GC: variants seen among roughly 807,000 people sequenced by gnomAD.
GC encodes the protein vitamin D-binding protein.
GC carries 43 observed loss-of-function variants against 56.7 expected under a neutral mutation model. The observed-to-expected ratio is 0.76, with a 90% confidence interval of 0.59 to 0.98. The LOEUF (loss-of-function observed/expected upper bound fraction) is 0.98. Ranked by LOEUF, GC falls within the 50% of genes least tolerant of loss-of-function variation. The pLI is 0.00. For synonymous variants in GC, 216 were observed against 202.7 expected (o/e 1.07, Z -0.56); for missense variants, 529 against 545.9 (o/e 0.97, Z 0.31).
At chr4:71,763,973 T>G (rs1392286134) in intron 4 of GC, 37 bp from the exon 5 acceptor site, 5 of 1,550,278 alleles carry the variant, frequency 3.2e-6, no homozygotes, top group Non-Finnish European at 4.5e-6. Context: ...AAAAAATTTG[T>G]GAATAAACAA....
chr4:71,794,295 T>G (rs1254441100), intron 1 of GC, among the ~76,000 whole-genome samples: 1 of 152,214 alleles, frequency 6.6e-6, no homozygotes, highest in African/African-American at 2.4e-5. Context: ...CTGGACTTTA[T>G]TTGTTTGGTA....
At chr4:71,782,729 T>C (rs1742724322) in intron 1 of GC, among the ~76,000 whole-genome samples, 1 of 151,818 alleles carries the variant, frequency 6.6e-6, no homozygotes, top group Non-Finnish European at 1.5e-5. Context: ...TTATTGGACC[T>C]TCTGTGTTTG....
At position 71,773,078 on chromosome 4, in the gene GC, T is replaced by C. The variant is rs111428152; in HGVS notation, c.59-3678A>G. 9.2e-5 allele frequency among the ~76,000 whole-genome samples: 14 copies of C among 152,192 alleles called. 2 individuals are homozygous for C. Among genetic ancestry groups the C allele is most frequent in the African/African-American group, 3.4e-4 (14 of 41,566 alleles). ...GCTCACTCCAATTCATATAGTTAAT[T>C]CCTGTCTCAAATGAACTGTAAAATT... On this transcript the variant is annotated intron_variant, in intron 1 of 12. Transcript: ENST00000273951.
At chr4:71,744,047 C>G (rs1741270231) in intron 12 of GC, among the ~76,000 whole-genome samples, 1 of 152,054 alleles carries the variant, frequency 6.6e-6, no homozygotes, top group South Asian at 2.1e-4. Context: ...TTCATCTTAT[C>G]AGATGAAGAT....
At chr4:71,760,081 C>T (rs867457472) in intron 6 of GC, among the ~76,000 whole-genome samples, 4 of 142,828 alleles carry the variant, frequency 2.8e-5, no homozygotes, top group South Asian at 2.2e-4. Context: ...CTCGCTCTGT[C>T]GCCCCAGGCT....
chr4:71,769,427 T>A (rs767608267), intron 1 of GC, 27 bp from the exon 2 acceptor site: 21 of 1,456,306 alleles, frequency 1.4e-5, no homozygotes, highest in Admixed American at 5.0e-5. Flanking sequence ...GAAAAATTTG[T>A]ATGTGTCCCC....
chr4:71,755,148 C>CTATTTGTT (rs1553947388), intron 8 of GC, 41 bp from the exon 9 acceptor site: 12 of 429,384 alleles, frequency 2.8e-5, no homozygotes, highest in Non-Finnish European at 4.2e-5. Flanking sequence ...TATATATTTC[C>CTATTTGTT]TATTTATTTA....
At chr4:71,793,365 G>A (rs926437618) in intron 1 of GC, among the ~76,000 whole-genome samples, 3 of 152,124 alleles carry the variant, frequency 2.0e-5, no homozygotes, top group Non-Finnish European at 4.4e-5. Flanking sequence ...TCCTTGAAGA[G>A]GTCCTTCACA....
In GC at chr4:71,741,947, C is replaced by T. The variant is rs564210236; in HGVS notation, c.*26-77G>A. 9.4e-5 allele frequency: 66 copies of T among 700,172 alleles called. 1 individual carries two copies. Among genetic ancestry groups the T allele is most frequent in the Middle Eastern group, 4.6e-4 (2 of 4,342 alleles). The allele number at this position is 700,172 out of a possible 1,614,324, so 43.4% of individuals were successfully genotyped here. ...AACAACCATAATATTGCTCAACAGA[C>T]GCATATAAACTCATGCTATTTTAAT... On this transcript the variant is annotated intron_variant, in intron 12 of 12. Transcript: ENST00000273951.
intron 5 of GC, 72 bp from the exon 6 acceptor site, chr4:71,763,574 G>A: frequency 1.1e-6 from 1 of 883,232 alleles, no homozygotes; most frequent in Non-Finnish European, 1.8e-6. Context: ...GCAAAAATAG[G>A]GACTATTAAT....
At chr4:71,764,250 A>G (rs1421914280) in intron 4 of GC, among the ~76,000 whole-genome samples, 2 of 152,104 alleles carry the variant, frequency 1.3e-5, no homozygotes, top group Non-Finnish European at 2.9e-5. Context: ...TCAAAGTGCT[A>G]GGATTACAGA....
At chr4:71,796,558 T>C (rs1215279776) in intron 1 of GC, among the ~76,000 whole-genome samples, 2 of 152,214 alleles carry the variant, frequency 1.3e-5, no homozygotes, top group African/African-American at 4.8e-5. Flanking sequence ...TAGTTAGCCA[T>C]TCATCTAACC....
intron 1 of GC, among the ~76,000 whole-genome samples, chr4:71,780,088 C>T (rs183145514): frequency 5.9e-5 from 9 of 152,020 alleles, no homozygotes; most frequent in South Asian, 2.1e-4. Context: ...AGCTGTGTCA[C>T]GACCCTCTGA....
chr4:71,762,254 A>T (rs1238977769), intron 6 of GC, among the ~76,000 whole-genome samples: 1 of 152,112 alleles, frequency 6.6e-6, no homozygotes, highest in South Asian at 2.1e-4. Context: ...TTAAGATTTG[A>T]CTGCCCCACT....
At chr4:71,749,547 A>T (rs1048470627) in intron 11 of GC, among the ~76,000 whole-genome samples, 2 of 152,218 alleles carry the variant, frequency 1.3e-5, no homozygotes, top group Non-Finnish European at 2.9e-5. Flanking sequence ...ACAGACTCTC[A>T]GAGAAAATTT....
Position 71,758,094 on chromosome 4 carries a change from T to C in GC, c.779A>G (p.Asn260Ser). ...DVLPLAEDITNILSKCCESAS... is the reference protein window; with the variant it reads ...DVLPLAEDITSILSKCCESAS... ...AGACTCACAGCATTTGGAGAGGATG[T>C]TAGTAATATCTTCAGCTAGTGGCAA... The change falls in exon 7 of 13, where the codon AAC becomes AGC. Residue 260 changes from asparagine to serine, a missense_variant. Transcript: ENST00000273951. 1 of 1,613,576 alleles carries C rather than the reference T, an allele frequency of 6.2e-7. No homozygotes were observed. The highest frequency in any genetic ancestry group is 1.1e-5 in the South Asian group (1 of 91,048).
chr4:71,781,493 T>A (rs1742677998), intron 1 of GC, among the ~76,000 whole-genome samples: 2 of 151,880 alleles, frequency 1.3e-5, no homozygotes, highest in African/African-American at 4.8e-5. Context: ...GAGAATTTTT[T>A]TGCTGTAGTT....
At chr4:71,779,378 C>G (rs150416366) in intron 1 of GC, among the ~76,000 whole-genome samples, 87 of 151,724 alleles carry the variant, frequency 5.7e-4, no homozygotes, top group East Asian at 2.0e-4. Context: ...TAGGGAAGCC[C>G]CCTCTATAAA....
upstream of GC, chr4:71,784,116 C>T: frequency 2.0e-6 from 3 of 1,501,094 alleles, no homozygotes; most frequent in Non-Finnish European, 2.7e-6. Context: ...ACAAAGATTC[C>T]TGACTATGAA....
Sources: gnomAD v4.1 joint callset for allele counts (sites outside exome capture counted in the v4.1 genomes callset) on GRCh38, gnomAD v4.1.1 for gene constraint, MANE v1.5 for transcripts, NCBI Gene and HGNC (gene_info 2026-07-23, HGNC 2026-07-21) for gene names.